Variants in RILPL1 observed in about 807,000 individuals in gnomAD.
RILPL1 encodes the protein Rab interacting lysosomal protein like 1, also known as RILP-like protein 1.
Under a neutral mutation model 50.3 loss-of-function variants are expected in RILPL1, and 33 were observed. The ratio of observed to expected loss-of-function variants is 0.66; its 90% CI spans 0.50 to 0.88. The LOEUF is 0.88. Among genes scored for constraint, RILPL1 ranks in the 40% least tolerant of loss-of-function variants. The pLI is 0.00. For synonymous variants in RILPL1, 205 were observed against 228.6 expected (o/e 0.90, Z 0.93); for missense variants, 418 against 542.5 (o/e 0.77, Z 2.28).
chr12:123,512,131 GGTGTGTGTGAGGTC>G (rs1884339448), intron 2 of RILPL1, among the ~76,000 whole-genome samples: 1 of 119,258 alleles, frequency 8.4e-6, no homozygotes, highest in Non-Finnish European at 1.8e-5. Flanking sequence ...GTGTGTGTGT[GGTGTGTGTGAGGTC>G]TGTGTGTGTG....
At chr12:123,488,982 C>T (rs928115618) in intron 4 of RILPL1, among the ~76,000 whole-genome samples, 9 of 152,126 alleles carry the variant, frequency 5.9e-5, no homozygotes, top group Admixed American at 5.2e-4. Context: ...AGGGATGCTC[C>T]GGAACCACCC....
chr12:123,523,306 T>G (rs1885133695), intron 2 of RILPL1, among the ~76,000 whole-genome samples, 189 bp downstream of exon 2: 1 of 152,200 alleles, frequency 6.6e-6, no homozygotes, highest in Admixed American at 6.5e-5. Flanking sequence ...TGTTACCATC[T>G]GTAAACTGAG....
intron 6 of RILPL1, among the ~76,000 whole-genome samples, chr12:123,480,969 A>C (rs1475438509): frequency 6.6e-5 from 10 of 152,210 alleles, no homozygotes; most frequent in Non-Finnish European, 1.5e-5. Flanking sequence ...GGTTAGGGAT[A>C]GTCATGTGAC....
chr12:123,527,257 G>A (rs28605072), intron 1 of RILPL1, among the ~76,000 whole-genome samples: 84,323 of 151,712 alleles, frequency 0.56, 25,414 homozygotes, highest in East Asian at 0.9. Context: ...CTTGAGCCCC[G>A]GAGGTTGAGG....
At chr12:123,482,607 CCTCT>C (rs752693139) in intron 6 of RILPL1, among the ~76,000 whole-genome samples, 218 of 150,776 alleles carry the variant, frequency 1.4e-3, no homozygotes, top group African/African-American at 4.4e-3. Context: ...CTTTTTTATC[CCTCT>C]CTCTCTCTCT....
chr12:123,530,351 A>G (rs953686190), intron 1 of RILPL1, among the ~76,000 whole-genome samples: 1 of 152,174 alleles, frequency 6.6e-6, no homozygotes, highest in African/African-American at 2.4e-5. Context: ...TTTTTAGTAG[A>G]AATGGGGTTT....
intron 1 of RILPL1, among the ~76,000 whole-genome samples, chr12:123,528,661 T>G (rs1291491507): frequency 6.6e-6 from 1 of 152,046 alleles, no homozygotes; most frequent in Non-Finnish European, 1.5e-5. Context: ...TCTCCTGACC[T>G]TGTGATCCGC....
chr12:123,475,901 T>A, intron 6 of RILPL1: 1 of 55,078 alleles, frequency 1.8e-5, no homozygotes, highest in Non-Finnish European at 3.2e-5. Flanking sequence ...CTTAAAATTT[T>A]TTTTTTTTTT....
intron 6 of RILPL1, among the ~76,000 whole-genome samples, chr12:123,482,620 CTT>C (rs1203812533): frequency 2.1e-4 from 30 of 139,912 alleles, no homozygotes; most frequent in South Asian, 2.3e-4. Context: ...CTCTCTCTCT[CTT>C]TTTTTTTTTT....
intron 2 of RILPL1, chr12:123,513,985 G>A (rs1052388716): frequency 1.3e-5 from 2 of 152,272 alleles, no homozygotes; most frequent in South Asian, 2.1e-4. Flanking sequence ...ATGTGCCGTC[G>A]AAAACACTGA....
chr12:123,487,818 G>C (rs1183320237), intron 4 of RILPL1, among the ~76,000 whole-genome samples: 2 of 152,192 alleles, frequency 1.3e-5, no homozygotes, highest in Admixed American at 1.3e-4. Context: ...GGCTAATTCT[G>C]TGTTTAACTT....
intron 2 of RILPL1, among the ~76,000 whole-genome samples, chr12:123,511,749 CTGTGTGTGGTGTGTGAGGTT>C (rs1884258155): frequency 1.8e-5 from 1 of 56,072 alleles, no homozygotes. Flanking sequence ...TGTGTGAGGT[CTGTGTGTGGTGTGTGAGGTT>C]TGTGTGTGTG....
chr12:123,489,844 C>T lies in RILPL1; in HGVS notation c.802-4039G>A, dbSNP rs1444243127. 6.6e-6 allele frequency among the ~76,000 whole-genome samples: 1 copy of T among 152,142 alleles called. No individual in the cohort carries two copies. Among genetic ancestry groups the T allele is most frequent in the Non-Finnish European group, 1.5e-5 (1 of 68,034 alleles). On this transcript the variant is annotated intron_variant, in intron 4 of 6. Coordinates refer to ENST00000376874, the MANE Select transcript of RILPL1 (RefSeq NM_178314.5). The surrounding 1 kb of genome is among the most constrained non-coding windows in gnomAD (Gnocchi z 4.0). ...GTTGCAAACTAAGCTCTTAGACCAT[C>T]CCAGTGCTGCTGGCCCACATTTTGT...
chr12:123,492,832 C>T (rs538586116), intron 4 of RILPL1, among the ~76,000 whole-genome samples: 10 of 148,550 alleles, frequency 6.7e-5, no homozygotes, highest in South Asian at 2.2e-4. Flanking sequence ...GGATTAAGGG[C>T]GGTGCAAGAT....
intron 2 of RILPL1, among the ~76,000 whole-genome samples, chr12:123,506,618 C>G (rs780802885): frequency 2.0e-5 from 3 of 152,164 alleles, no homozygotes; most frequent in Admixed American, 6.5e-5. Flanking sequence ...GAGAGCGGTA[C>G]AGAAAGCTGA....
chr12:123,495,263 G>C (rs568398493), intron 4 of RILPL1, among the ~76,000 whole-genome samples: 13 of 152,210 alleles, frequency 8.5e-5, no homozygotes, highest in Non-Finnish European at 5.9e-5. Flanking sequence ...TGAGAAGGTC[G>C]GAGCCACATT....
intron 6 of RILPL1, among the ~76,000 whole-genome samples, chr12:123,479,087 CG>C (rs1253836582): frequency 6.6e-6 from 1 of 151,774 alleles, no homozygotes; most frequent in Non-Finnish European, 1.5e-5. Flanking sequence ...ACCAGAGACT[CG>C]GGGAGGGGAG....
chr12:123,523,435 A>ATG, intron 2 of RILPL1, 60 bp downstream of exon 2: 1 of 1,602,452 alleles, frequency 6.2e-7, no homozygotes, highest in Non-Finnish European at 8.5e-7. Context: ...ACAATCGCTG[A>ATG]TGTGGGCAAT....
chr12:123,475,795 A>G, intron 6 of RILPL1: 1 of 1,294,400 alleles, frequency 7.7e-7, no homozygotes, highest in Non-Finnish European at 1.1e-6. Flanking sequence ...TAAAAACGGG[A>G]GGCATGAAAA....
Sources: gnomAD v4.1 joint callset for allele counts (sites outside exome capture counted in the v4.1 genomes callset) on GRCh38, gnomAD v4.1.1 for gene constraint, Gnocchi (gnomAD v3.1) non-coding constraint, MANE v1.5 for transcripts, NCBI Gene and HGNC (gene_info 2026-07-23, HGNC 2026-07-21) for gene names.